Variants in TRPM1 observed in about 807,000 individuals in gnomAD.
TRPM1 encodes TRPM1-203 APA Isoform, Intron 10.
Under a neutral mutation model 149.4 loss-of-function variants are expected in TRPM1, and 113 were observed. The ratio of observed to expected loss-of-function variants is 0.76; its 90% CI spans 0.65 to 0.88. The LOEUF is 0.88. TRPM1 is among the 40% of genes least tolerant of loss of function. The pLI is 0.00. For missense variants in TRPM1, 1,976 were observed against 2,038.7 expected, an observed-to-expected ratio of 0.97 and a Z score of 0.59; for synonymous variants, 741 against 759.5, an observed-to-expected ratio of 0.98 and a Z score of 0.40.
intron 23 of TRPM1, among the ~76,000 whole-genome samples, chr15:31,029,962 G>T (rs2032992038): frequency 6.6e-6 from 1 of 152,084 alleles, no homozygotes; most frequent in Non-Finnish European, 1.5e-5. Context: ...TAACGTGTAT[G>T]TATATCTACC....
chr15:31,013,083 C>T (rs2032244006), intron 27 of TRPM1, among the ~76,000 whole-genome samples: 1 of 151,254 alleles, frequency 6.6e-6, no homozygotes, highest in Admixed American at 6.6e-5. Flanking sequence ...TGGGCTCAAG[C>T]AATCCTCCCA....
At chr15:31,099,782 A>C (rs762175328) in intron 1 of TRPM1, among the ~76,000 whole-genome samples, 19 of 152,244 alleles carry the variant, frequency 1.2e-4, no homozygotes, top group Non-Finnish European at 2.5e-4. Context: ...TGCAGAGAAT[A>C]GACAATTTAT....
chr15:31,047,818 T>C (rs2033823259), intron 14 of TRPM1, 71 bp downstream of exon 14: 1 of 1,283,412 alleles, frequency 7.8e-7, no homozygotes, highest in Admixed American at 1.7e-5. Context: ...TTTGAAAATT[T>C]AAAACTTGCT....
intron 18 of TRPM1, among the ~76,000 whole-genome samples, chr15:31,038,852 A>G (rs764401296): frequency 1.8e-4 from 27 of 152,156 alleles, no homozygotes; most frequent in Non-Finnish European, 3.7e-4. Context: ...TATAGAAATA[A>G]CTTTGATATA....
At chr15:31,039,345 A>G (rs1410653419) in intron 18 of TRPM1, among the ~76,000 whole-genome samples, 1 of 152,224 alleles carries the variant, frequency 6.6e-6, no homozygotes, top group East Asian at 1.9e-4. Context: ...AGTTATGTAT[A>G]ACATCAGCTT....
chr15:31,149,777 C>G, intron 1 of TRPM1, among the ~76,000 whole-genome samples: 1 of 152,282 alleles, frequency 6.6e-6, no homozygotes, highest in South Asian at 2.1e-4. Context: ...CCTTGGCCTC[C>G]CAAAGTGCTG....
intron 14 of TRPM1, 41 bp downstream of exon 14, chr15:31,047,848 A>G: frequency 1.3e-6 from 2 of 1,533,154 alleles, no homozygotes; most frequent in Non-Finnish European, 1.8e-6. Flanking sequence ...TGATTTTGTG[A>G]AAGATGCCAA....
intron 27 of TRPM1, among the ~76,000 whole-genome samples, chr15:31,021,601 C>G (rs567280263): frequency 6.6e-6 from 1 of 151,554 alleles, no homozygotes; most frequent in Non-Finnish European, 1.5e-5. Context: ...GAAGCTGAGG[C>G]AGTAGACTCA....
At chr15:31,014,137 C>G (rs533409267) in intron 27 of TRPM1, among the ~76,000 whole-genome samples, 2 of 152,288 alleles carry the variant, frequency 1.3e-5, no homozygotes, top group East Asian at 3.9e-4. Flanking sequence ...TAGAGCTTTT[C>G]AAAGCTCTTA....
At chr15:31,149,754 T>A (rs6493490) in intron 1 of TRPM1, among the ~76,000 whole-genome samples, 5 of 151,580 alleles carry the variant, frequency 3.3e-5, no homozygotes, top group African/African-American at 9.7e-5. Context: ...CTCCTGACCT[T>A]GTGATCCGCC....
At chr15:31,091,300 TTTGTGTTTTTCCAAG>T (rs1238672919) in intron 1 of TRPM1, among the ~76,000 whole-genome samples, 1 of 152,152 alleles carries the variant, frequency 6.6e-6, no homozygotes, top group Non-Finnish European at 1.5e-5. Flanking sequence ...TAAATCTTGG[TTTGTGTTTTTCCAAG>T]GCTTTTGCAA....
chr15:31,031,219 C>T, intron 22 of TRPM1, 62 bp from the exon 23 acceptor site: 2 of 1,577,932 alleles, frequency 1.3e-6, no homozygotes, highest in Non-Finnish European at 1.7e-6. Context: ...CACCCTGGCT[C>T]ATTATATTGC....
intron 1 of TRPM1, among the ~76,000 whole-genome samples, chr15:31,154,013 G>A (rs2036336396): frequency 6.6e-6 from 1 of 152,314 alleles, no homozygotes; most frequent in South Asian, 2.1e-4. Context: ...TTCCAAGCAT[G>A]GGCTGCAAAC....
intron 11 of TRPM1, among the ~76,000 whole-genome samples, chr15:31,054,500 G>A (rs2140945970): frequency 6.6e-6 from 1 of 152,140 alleles, no homozygotes; most frequent in East Asian, 1.9e-4. Flanking sequence ...TCACCATGTT[G>A]GCCAGGCTTG....
chr15:31,035,304 C>A (rs2033308337), intron 21 of TRPM1, among the ~76,000 whole-genome samples: 1 of 152,284 alleles, frequency 6.6e-6, no homozygotes, highest in South Asian at 2.1e-4. Flanking sequence ...CCACGACTGG[C>A]TAATTTTTTT....
intron 2 of TRPM1, among the ~76,000 whole-genome samples, chr15:31,077,904 G>A (rs2034753767): frequency 6.6e-6 from 1 of 151,880 alleles, no homozygotes; most frequent in South Asian, 2.1e-4. Context: ...TATGTGTGTG[G>A]TATGTGTGCA....
chr15:31,030,980 T>TA lies in TRPM1; in HGVS notation c.3127+2dup. On this transcript the variant is annotated splice_region_variant and intron_variant, in intron 23 of 27. Coordinates refer to ENST00000256552, the MANE Select transcript of TRPM1 (RefSeq NM_001252024.2). ...AGAATCTTACTATGAATTCTACTCT[T>TA]ACGGTCTATCTGGTCTGCAAACACC... The TA allele has an allele frequency of 6.2e-7, 1 of 1,614,196 alleles. No individual in the cohort carries two copies. Among genetic ancestry groups the TA allele is most frequent in the Non-Finnish European group, 8.5e-7 (1 of 1,180,030 alleles).
At chr15:31,152,873 G>T (rs1181318790) in intron 1 of TRPM1, among the ~76,000 whole-genome samples, 1 of 152,072 alleles carries the variant, frequency 6.6e-6, no homozygotes, top group African/African-American at 2.4e-5. Context: ...GAACTCCTAG[G>T]CTCAAGTGAT....
chr15:31,099,207 A>G (rs1336819228), intron 1 of TRPM1, among the ~76,000 whole-genome samples: 2 of 152,184 alleles, frequency 1.3e-5, no homozygotes, highest in Admixed American at 1.3e-4. Context: ...GATGGCAGAT[A>G]CTGACCCATC....
Sources: allele counts gnomAD v4.1 joint callset (sites outside exome capture counted in the v4.1 genomes callset), GRCh38; gene constraint gnomAD v4.1.1; transcripts MANE v1.5; gene names NCBI Gene and HGNC (gene_info 2026-07-23, HGNC 2026-07-21).